ARHGEF12: variants seen among roughly 807,000 people sequenced by gnomAD.
ARHGEF12 encodes Rho guanine nucleotide exchange factor 12.
Under a neutral mutation model 211.2 loss-of-function variants are expected in ARHGEF12, and 66 were observed. The ratio of observed to expected loss-of-function variants is 0.31; its 90% CI spans 0.26 to 0.38. The LOEUF is 0.38. Among genes scored for constraint, ARHGEF12 ranks in the 10% least tolerant of loss-of-function variants. ARHGEF12 has a pLI of 1.00. For missense variants in ARHGEF12, 1,429 were observed against 1,869.5 expected (o/e 0.76, Z 4.34); for synonymous variants, 592 against 638.4 (o/e 0.93, Z 1.09).
chr11:120,428,176 A>G lies in ARHGEF12; in HGVS notation c.514A>G (p.Ile172Val), dbSNP rs779716977. ...EPSVIGHMSPIMTSPHSPGAS... is the reference protein window; with the variant it reads ...EPSVIGHMSPVMTSPHSPGAS... ...GTCAGTCATTGGACATATGTCTCCC[A>G]TCATGACATCTCCTCATTCACCTGG... is the stretch of plus-strand genomic sequence containing the variant. Residue 172 changes from isoleucine to valine, a missense_variant, in exon 8 of 41, where the codon ATC becomes GTC. Physicochemically the swap from Ile to Val is conservative, Grantham distance 29. This residue lies in a region of ARHGEF12 where 254 missense variants were observed against 286.4 expected (regional missense o/e 0.89). Coordinates refer to ENST00000397843, the MANE Select transcript of ARHGEF12 (RefSeq NM_015313.3). The G allele has an allele frequency of 6.2e-6, 10 of 1,611,892 alleles. No homozygotes were observed. The highest frequency in any genetic ancestry group is 2.7e-5 in the African/African-American group (2 of 74,900).
rs760687378 is a variant in ARHGEF12, at chr11:120,480,119, G to T, written c.3926G>T (p.Gly1309Val). The stretch of plus-strand genomic sequence containing the variant: ...GAAAATATTAAGGCCTATCATTCTG[G>T]TGAAGGACATATGCCCTTTAGAACT... ...NSENIKAYHS[G>V]EGHMPFRTGT... The change falls in exon 38 of 41, where the codon GGT becomes GTT. Residue 1309 changes from glycine to valine, a missense_variant. Transcript: ENST00000397843. The T allele has an allele frequency of 1.3e-5, 21 of 1,614,070 alleles. No individual in the cohort carries two copies. The highest frequency in any genetic ancestry group is 1.8e-5 in the Non-Finnish European group (21 of 1,180,038).
At chr11:120,373,149 G>T (rs1429760257) in intron 1 of ARHGEF12, among the ~76,000 whole-genome samples, 1 of 152,058 alleles carries the variant, frequency 6.6e-6, no homozygotes. Context: ...ACCAGCTTTA[G>T]TAATAAAATA....
chr11:120,448,142 C>T (rs189462693), intron 19 of ARHGEF12, 92 bp from the exon 20 acceptor site: 1 of 982,990 alleles, frequency 1.0e-6, no homozygotes, highest in African/African-American at 1.6e-5. Flanking sequence ...TCAATAATTC[C>T]AACCTTGGGG....
At chr11:120,436,932 C>A (rs1302438317) in intron 11 of ARHGEF12, among the ~76,000 whole-genome samples, 1 of 151,956 alleles carries the variant, frequency 6.6e-6, no homozygotes, top group African/African-American at 2.4e-5. Context: ...GGGCAAAATG[C>A]TTTTAGCTTG....
chr11:120,421,509 C>T (rs1945190020), intron 5 of ARHGEF12, among the ~76,000 whole-genome samples: 2 of 141,466 alleles, frequency 1.4e-5, no homozygotes, highest in African/African-American at 5.3e-5. Flanking sequence ...ACAATCTAGG[C>T]TCACTGCAAC....
At chr11:120,351,620 G>A (rs950041717) in intron 1 of ARHGEF12, among the ~76,000 whole-genome samples, 2 of 150,522 alleles carry the variant, frequency 1.3e-5, no homozygotes, top group East Asian at 2.0e-4. Flanking sequence ...ATAGGCACCC[G>A]CCACCACGCC....
chr11:120,409,320 TC>T, intron 3 of ARHGEF12, 73 bp from the exon 4 acceptor site: 4 of 1,438,314 alleles, frequency 2.8e-6, no homozygotes, highest in Non-Finnish European at 3.9e-6. Context: ...CATTCTTTTT[TC>T]CCCATGAATT....
At chr11:120,380,418 C>T (rs913608507) in intron 1 of ARHGEF12, among the ~76,000 whole-genome samples, 3 of 152,160 alleles carry the variant, frequency 2.0e-5, no homozygotes, top group African/African-American at 7.2e-5. Context: ...TAGGATACCA[C>T]ATTGCCTGTA....
intron 12 of ARHGEF12, 21 bp downstream of exon 12, chr11:120,437,403 A>G (rs773164019): frequency 2.5e-5 from 39 of 1,587,842 alleles, no homozygotes; most frequent in Non-Finnish European, 3.4e-5. Context: ...AATCCATGCA[A>G]TGATAGTGCT....
rs555334958 is a variant in ARHGEF12, at chr11:120,468,412, T to A, written c.2855-876T>A. Reference sequence around the variant, plus strand: ...TTTGGTCTTCTTTGTATTATAGACATGACATAGCCTCAATACGTTTTGTCT... The same window carrying A: ...TTTGGTCTTCTTTGTATTATAGACAAGACATAGCCTCAATACGTTTTGTCT... On this transcript the variant is annotated intron_variant, in intron 29 of 40. Coordinates refer to ENST00000397843, the MANE Select transcript of ARHGEF12 (RefSeq NM_015313.3). 7.2e-5 allele frequency among the ~76,000 whole-genome samples: 11 copies of A among 152,356 alleles called. No individual in the cohort carries two copies. In the South Asian group the frequency reaches 2.3e-3, roughly 32 times the overall value.
chr11:120,377,897 T>C (rs1229535767), intron 1 of ARHGEF12, among the ~76,000 whole-genome samples: 1 of 152,080 alleles, frequency 6.6e-6, no homozygotes, highest in East Asian at 1.9e-4. Flanking sequence ...AATTGCTGAG[T>C]CATATGGTAA....
At chr11:120,391,204 C>T (rs1250883758) in intron 1 of ARHGEF12, among the ~76,000 whole-genome samples, 8 of 152,140 alleles carry the variant, frequency 5.3e-5, no homozygotes, top group Non-Finnish European at 1.2e-4. Context: ...TTGTTCCTTA[C>T]CTCTATAATG....
chr11:120,403,600 C>T (rs1447035048), intron 1 of ARHGEF12, among the ~76,000 whole-genome samples: 2 of 151,812 alleles, frequency 1.3e-5, no homozygotes, highest in African/African-American at 4.8e-5. Context: ...CATCGTTCTT[C>T]ATTTTGGAAT....
intron 1 of ARHGEF12, among the ~76,000 whole-genome samples, chr11:120,378,517 A>G (rs1177723482): frequency 2.6e-5 from 4 of 152,116 alleles, no homozygotes; most frequent in South Asian, 2.1e-4. Context: ...TTTATTTTGT[A>G]TTCATGCTTC....
chr11:120,363,547 A>G (rs1943337572), intron 1 of ARHGEF12, among the ~76,000 whole-genome samples: 2 of 152,224 alleles, frequency 1.3e-5, no homozygotes, highest in South Asian at 2.1e-4. Flanking sequence ...TTGGAAAGGA[A>G]TGTTACCTTT....
At chr11:120,368,328 G>C (rs1034814267) in intron 1 of ARHGEF12, among the ~76,000 whole-genome samples, 6 of 152,166 alleles carry the variant, frequency 3.9e-5, no homozygotes, top group African/African-American at 1.4e-4. Flanking sequence ...CGTTTATAGA[G>C]ATGGGGGTCT....
intron 1 of ARHGEF12, among the ~76,000 whole-genome samples, chr11:120,355,016 C>G (rs114740020): frequency 2.0e-5 from 3 of 152,170 alleles, no homozygotes; most frequent in Non-Finnish European, 2.9e-5. Context: ...GCATTGCTTC[C>G]TCACACTGTT....
chr11:120,439,765 AT>A (rs1249938774), intron 12 of ARHGEF12: 6 of 159,876 alleles, frequency 3.8e-5, no homozygotes, highest in Admixed American at 1.9e-4. Context: ...AGCCAACTTT[AT>A]TTTTTTCTGT....
In ARHGEF12 at chr11:120,447,811, G is replaced by A. The variant is rs1357979840; in HGVS notation, c.1590-63G>A. On this transcript the variant is annotated intron_variant, in intron 18 of 40. Transcript: ENST00000397843. Reference sequence around the variant, plus strand: ...AGCCTGGGTGGCAGAGTGAGACTCTGTCTCAAAAAAATTAATTAAACTTCC... The same window carrying A: ...AGCCTGGGTGGCAGAGTGAGACTCTATCTCAAAAAAATTAATTAAACTTCC... 4.8e-6 allele frequency: 6 copies of A among 1,237,780 alleles called. No homozygotes were observed. In the East Asian group the frequency reaches 1.0e-4, roughly 22 times the overall value. 76.7% of individuals were successfully genotyped at this position (1,237,780 alleles called of 1,614,324 possible).
Sources: gnomAD v4.1 joint callset for allele counts (sites outside exome capture counted in the v4.1 genomes callset) on GRCh38, gnomAD v4.1.1 for gene constraint, gnomAD v4.1.1 regional missense constraint, MANE v1.5 for transcripts, NCBI Gene and HGNC (gene_info 2026-07-23, HGNC 2026-07-21) for gene names.